The following RAB6A variants were observed in gnomAD, a reference collection of about 807,000 sequenced individuals.
RAB6A encodes RAB6A, member RAS oncogene family.
RAB6A carries 8 observed loss-of-function variants against 32.3 expected under a neutral mutation model. The ratio of observed to expected loss-of-function variants is 0.25; its 90% CI spans 0.15 to 0.45. RAB6A has a LOEUF of 0.45. Among genes scored for constraint, RAB6A ranks in the 20% least tolerant of loss-of-function variants. The probability of loss-of-function intolerance (pLI) is 1.00; values close to 1 mark genes in which losing one functional copy is unlikely to be tolerated. For synonymous variants in RAB6A, 73 were observed against 82.1 expected, an observed-to-expected ratio of 0.89 and a Z score of 0.60; for missense variants, 104 against 249.4, an observed-to-expected ratio of 0.42 and a Z score of 3.93.
intron 3 of RAB6A, among the ~76,000 whole-genome samples, chr11:73,719,637 CAG>C (rs1946105869): frequency 6.8e-6 from 1 of 147,376 alleles, no homozygotes; most frequent in Admixed American, 6.8e-5. Context: ...TTTTTTTAGA[CAG>C]ACTCTCATTC....
intron 1 of RAB6A, among the ~76,000 whole-genome samples, chr11:73,746,970 C>G (rs1946597160): frequency 1.3e-5 from 2 of 152,272 alleles, no homozygotes; most frequent in Non-Finnish European, 2.9e-5. Context: ...GAGTCTCGCT[C>G]TGTCACTCAG....
chr11:73,757,047 T>TA (rs1294751885), intron 1 of RAB6A, among the ~76,000 whole-genome samples: 3 of 145,124 alleles, frequency 2.1e-5, no homozygotes, highest in African/African-American at 7.6e-5. Context: ...CTGCTTCATG[T>TA]ACTGACACAA....
chr11:73,742,068 G>T (rs559858597), intron 1 of RAB6A, among the ~76,000 whole-genome samples: 2 of 152,182 alleles, frequency 1.3e-5, no homozygotes, highest in African/African-American at 4.8e-5. Context: ...GATTACTTGA[G>T]GTCAGAGGTT....
At chr11:73,721,077 T>TGAATACATGAAATA (rs1204043302) in intron 2 of RAB6A, among the ~76,000 whole-genome samples, 178 bp from the exon 3 acceptor site, 1 of 152,242 alleles carries the variant, frequency 6.6e-6, no homozygotes. Context: ...TTTCATGTAT[T>TGAATACATGAAATA]CAGCACTTGC....
intron 1 of RAB6A, among the ~76,000 whole-genome samples, chr11:73,735,937 A>AGAG (rs373161315): frequency 1.6e-5 from 2 of 123,602 alleles, no homozygotes; most frequent in South Asian, 5.3e-4. Context: ...AAAAAAAAAA[A>AGAG]AGAGAGAGAG....
At chr11:73,740,748 C>T (rs1442032501) in intron 1 of RAB6A, among the ~76,000 whole-genome samples, 2 of 151,932 alleles carry the variant, frequency 1.3e-5, no homozygotes, top group Non-Finnish European at 2.9e-5. Flanking sequence ...ATTGGCCAGG[C>T]GTGATGGCAT....
intron 3 of RAB6A, among the ~76,000 whole-genome samples, chr11:73,719,867 T>C (rs1216596846): frequency 2.6e-5 from 4 of 151,996 alleles, no homozygotes; most frequent in South Asian, 4.1e-4. Flanking sequence ...CTGTCCATCC[T>C]GGCCTCCCAA....
In RAB6A at chr11:73,760,695, C is replaced by T. The variant is rs1946832093; in HGVS notation, c.-60G>A. ...AGAGACCTCCCGGACCGATGCTGCT[C>T]CAGCCAGCTGACGAAAAAGGCGAGC... On this transcript the variant is annotated 5_prime_UTR_variant, in exon 1 of 8. Transcript: ENST00000336083. The T allele has an allele frequency of 7.0e-6, 11 of 1,562,746 alleles. 1 individual carries two copies. The highest frequency in any genetic ancestry group is 2.0e-4 in the Middle Eastern group (1 of 4,906).
chr11:73,700,327 A>T (rs774751060), intron 6 of RAB6A, among the ~76,000 whole-genome samples: 3 of 152,172 alleles, frequency 2.0e-5, no homozygotes, highest in Non-Finnish European at 4.4e-5. Context: ...TGGGCCAGGC[A>T]CCATGGCTCA....
intron 1 of RAB6A, among the ~76,000 whole-genome samples, chr11:73,731,731 T>TATATATATATATATACAC (rs1346850332): frequency 5.9e-5 from 1 of 16,988 alleles, no homozygotes; most frequent in African/African-American, 2.0e-4. Flanking sequence ...TATATATATA[T>TATATATATATATATACAC]ACACACACAC....
intron 1 of RAB6A, among the ~76,000 whole-genome samples, chr11:73,742,056 TG>T (rs1457757752): frequency 1.3e-5 from 2 of 151,574 alleles, no homozygotes; most frequent in African/African-American, 4.9e-5. Context: ...CTGAGGCAGG[TG>T]GATTACTTGA....
chr11:73,692,604 G>C (rs1011684767), intron 6 of RAB6A, among the ~76,000 whole-genome samples: 1 of 151,020 alleles, frequency 6.6e-6, no homozygotes, highest in African/African-American at 2.4e-5. Flanking sequence ...ATGCATAAGA[G>C]GGTTACAGTG....
At chr11:73,678,157 G>T (rs189133595) in intron 7 of RAB6A, among the ~76,000 whole-genome samples, 195 bp from the exon 8 acceptor site, 6 of 152,298 alleles carry the variant, frequency 3.9e-5, no homozygotes. Flanking sequence ...TGCAACAAGG[G>T]TCAGAATGAG....
chr11:73,718,950 A>C, intron 3 of RAB6A: 1 of 1,445,376 alleles, frequency 6.9e-7, no homozygotes, highest in Non-Finnish European at 9.4e-7. Context: ...AAAAAGAAAA[A>C]AGAAACAATG....
intron 6 of RAB6A, among the ~76,000 whole-genome samples, chr11:73,706,078 A>G (rs913129507): frequency 6.6e-6 from 1 of 152,214 alleles, no homozygotes; most frequent in Admixed American, 6.5e-5. Flanking sequence ...ATCAGTGATC[A>G]TTCAATATTA....
intron 1 of RAB6A, among the ~76,000 whole-genome samples, chr11:73,740,295 C>T (rs1565374731): frequency 6.6e-6 from 1 of 152,012 alleles, no homozygotes; most frequent in African/African-American, 2.4e-5. Flanking sequence ...CAAAGCCAAG[C>T]AAAAGACACT....
intron 6 of RAB6A, among the ~76,000 whole-genome samples, chr11:73,680,830 TG>T (rs1342994316): frequency 6.6e-6 from 1 of 152,096 alleles, no homozygotes; most frequent in Non-Finnish European, 1.5e-5. Context: ...TGAGTGTCAG[TG>T]GGAGTGGCTG....
intron 6 of RAB6A, among the ~76,000 whole-genome samples, chr11:73,690,558 T>A: frequency 6.7e-6 from 1 of 149,354 alleles, no homozygotes; most frequent in East Asian, 2.0e-4. Context: ...GCTAATTCTT[T>A]TTTTTTTTTT....
At chr11:73,756,549 T>C (rs1946753712) in intron 1 of RAB6A, among the ~76,000 whole-genome samples, 1 of 152,328 alleles carries the variant, frequency 6.6e-6, no homozygotes, top group South Asian at 2.1e-4. Flanking sequence ...CATGTATATA[T>C]AGTGAAATCT....
Sources: allele counts gnomAD v4.1 joint callset (sites outside exome capture counted in the v4.1 genomes callset), GRCh38; gene constraint gnomAD v4.1.1; transcripts MANE v1.5; gene names NCBI Gene and HGNC (gene_info 2026-07-23, HGNC 2026-07-21).